Variants in MAFG observed in about 807,000 individuals in gnomAD.
The protein encoded by MAFG is transcription factor MafG.
MAFG carries 3 observed loss-of-function variants against 12.2 expected under a neutral mutation model. The observed-to-expected ratio is 0.25, with a 90% CI of 0.11 to 0.64. The LOEUF is 0.64. Among genes scored for constraint, MAFG ranks in the 30% least tolerant of loss-of-function variants. The pLI is 0.85. For synonymous variants in MAFG, 126 were observed against 109.1 expected (o/e 1.15, Z -0.96); for missense variants, 153 against 235.5 (o/e 0.65, Z 2.29).
chr17:81,923,231 A>G lies in MAFG; in HGVS notation c.-29-17T>C, dbSNP rs1406609342. On this transcript the variant is annotated splice_polypyrimidine_tract_variant and intron_variant, in intron 1 of 2. Coordinates refer to ENST00000357736, the MANE Select transcript of MAFG (RefSeq NM_002359.4). ...AGGCGCTCTCTGCAAGACACGGAGC[A>G]GGTCAGTACCCTGGAGACCACCCTC... The G allele has an allele frequency of 6.0e-6, 8 of 1,337,334 alleles. No homozygotes were observed. The highest frequency in any genetic ancestry group is 7.0e-6 in the Non-Finnish European group (7 of 996,668). The allele number at this position is 1,337,334 out of a possible 1,614,324, so 82.8% of individuals were successfully genotyped here.
At chr17:81,923,354 T>C in intron 1 of MAFG, 140 bp from the exon 2 acceptor site, 1 of 543,070 alleles carries the variant, frequency 1.8e-6, no homozygotes, top group Non-Finnish European at 3.1e-6. Flanking sequence ...CCCCAATACC[T>C]GATAGGAGGC....
At chr17:81,923,271 C>CCT (rs1555620265) in intron 1 of MAFG, 57 bp from the exon 2 acceptor site, 2 of 962,874 alleles carry the variant, frequency 2.1e-6, no homozygotes, top group South Asian at 1.9e-5. Flanking sequence ...CACCCCCCCC[C>CCT]CCCCGCCCCC....
At chr17:81,929,197 G>A (rs1046359654), upstream of MAFG, among the ~76,000 whole-genome samples, 2 of 152,158 alleles carry the variant, frequency 1.3e-5, no homozygotes, top group African/African-American at 4.8e-5. This position sits in a 1 kb window ranked among gnomAD's most constrained non-coding sequence, Gnocchi z 5.7. Context: ...TTTATGAATC[G>A]TCCTCACTGC....
rs906781168 is a variant in MAFG, at chr17:81,921,659, C to T, written c.*946G>A. On this transcript the variant is annotated 3_prime_UTR_variant, in exon 3 of 3. Coordinates refer to ENST00000357736, the MANE Select transcript of MAFG (RefSeq NM_002359.4). ...ACTCCAACAGCCACAAAGAGGTGTC[C>T]GTAAGTTTACAAGAAAGGGATTTTT... 3.3e-5 allele frequency: 5 copies of T among 151,188 alleles called. No homozygotes were observed. The highest frequency in any genetic ancestry group is 7.4e-5 in the Non-Finnish European group (5 of 67,866). 9.4% of individuals were successfully genotyped at this position (151,188 alleles called of 1,614,324 possible).
rs1002296043 is a variant in MAFG, at chr17:81,923,262, A to ACCCCCCCCCCCCCCCCCCCC, written c.-29-49_-29-48insGGGGGGGGGGGGGGGGGGGG. The ACCCCCCCCCCCCCCCCCCCC allele has an allele frequency of 1.5e-5, 5 of 336,902 alleles. 1 individual carries two copies. The highest frequency in any genetic ancestry group is 2.2e-4 in the Admixed American group (2 of 8,924). The allele number at this position is 336,902 out of a possible 1,614,324, so 20.9% of individuals were successfully genotyped here. On this transcript the variant is annotated intron_variant, in intron 1 of 2. Coordinates refer to ENST00000357736, the MANE Select transcript of MAFG (RefSeq NM_002359.4). The stretch of plus-strand genomic sequence containing the variant: ...GTACCCTGGAGACCACCCTCGCCGC[A>ACCCCCCCCCCCCCCCCCCCC]CCCCCCCCCCCCCGCCCCCGGCCCA...
chr17:81,926,927 C>T lies in MAFG; in HGVS notation c.-30+601G>A, dbSNP rs1207217151. Among the ~76,000 whole-genome samples, 1 of 152,106 alleles carries T rather than the reference C, an allele frequency of 6.6e-6. No individual in the cohort carries two copies. Among genetic ancestry groups the T allele is most frequent in the Non-Finnish European group, 1.5e-5 (1 of 68,000 alleles). On this transcript the variant is annotated intron_variant, in intron 1 of 2. Transcript: ENST00000357736. This position sits in a 1 kb window ranked among gnomAD's most constrained non-coding sequence, Gnocchi z 4.6. ...TCCCCGAGGCCCCTCGCTCGAATCCCCTCCGGTATCAGCTTGAGCACCGAG... is the reference window on the plus strand; with the variant it reads ...TCCCCGAGGCCCCTCGCTCGAATCCTCTCCGGTATCAGCTTGAGCACCGAG...
rs2040901144 is a variant in MAFG, at chr17:81,922,549, A to C, written c.*56T>G. 1 of 1,327,550 alleles carries C rather than the reference A, an allele frequency of 7.5e-7. No homozygotes were observed. Among genetic ancestry groups the C allele is most frequent in the Admixed American group, 3.6e-5 (1 of 28,026 alleles). The allele number at this position is 1,327,550 out of a possible 1,614,324, so 82.2% of individuals were successfully genotyped here. A position where few individuals can be genotyped will look rare whatever the true frequency, so the allele number is the denominator to read the frequency against. ...AAGGAAACAGAGGGACAGGGCAGCC[A>C]AATTCGCCATGTGCCTAGTGGCCCC... On this transcript the variant is annotated 3_prime_UTR_variant, in exon 3 of 3. Coordinates refer to ENST00000357736, the MANE Select transcript of MAFG (RefSeq NM_002359.4).
chr17:81,928,888 G>A (rs1275477088), upstream of MAFG, among the ~76,000 whole-genome samples: 1 of 152,200 alleles, frequency 6.6e-6, no homozygotes, highest in African/African-American at 2.4e-5. The surrounding 1 kb of genome is among the most constrained non-coding windows in gnomAD (Gnocchi z 8.1). Flanking sequence ...GCCCTGAGCC[G>A]CTGGGCATCC....
upstream of MAFG, chr17:81,928,055 G>A (rs553682663): frequency 9.9e-5 from 15 of 152,284 alleles, no homozygotes; most frequent in East Asian, 2.7e-3. This position sits in a 1 kb window ranked among gnomAD's most constrained non-coding sequence, Gnocchi z 8.1. Flanking sequence ...GCTCAGCCTA[G>A]GGCAGGCTCT....
At chr17:81,931,160 C>T (rs940179351), upstream of MAFG, among the ~76,000 whole-genome samples, 4 of 152,178 alleles carry the variant, frequency 2.6e-5, no homozygotes, top group Admixed American at 1.3e-4. Flanking sequence ...TCCTAGGGCC[C>T]GCCTGCTGAA....
At chr17:81,929,568 C>G (rs1048989365), upstream of MAFG, 1 of 152,384 alleles carries the variant, frequency 6.6e-6, no homozygotes, top group African/African-American at 2.4e-5. This position sits in a 1 kb window ranked among gnomAD's most constrained non-coding sequence, Gnocchi z 5.7. Flanking sequence ...CAGCTCCCCA[C>G]GGAGAGCCCA....
At chr17:81,927,132 A>G (rs2040947631) in intron 1 of MAFG, among the ~76,000 whole-genome samples, 1 of 151,658 alleles carries the variant, frequency 6.6e-6, no homozygotes, top group Non-Finnish European at 1.5e-5. Context: ...ATGAATCAGC[A>G]GCTGCGGGCC....
chr17:81,929,609 C>G (rs1382469478), upstream of MAFG: 1 of 152,376 alleles, frequency 6.6e-6, no homozygotes, highest in Non-Finnish European at 1.5e-5. This position sits in a 1 kb window ranked among gnomAD's most constrained non-coding sequence, Gnocchi z 5.7. Flanking sequence ...AGTGGTGCAG[C>G]CATGCTTGGG....
At chr17:81,923,412 T>G in intron 1 of MAFG, 198 bp from the exon 2 acceptor site, 6 of 439,422 alleles carry the variant, frequency 1.4e-5, no homozygotes, top group East Asian at 3.9e-5. Context: ...CTGTCCACCC[T>G]GCCCCTAGAG....
Position 81,926,557 on chromosome 17 carries a change from G to C in MAFG, c.-30+971C>G, listed in dbSNP as rs1567916203. Among the ~76,000 whole-genome samples the C allele has an allele frequency of 6.6e-6, 1 of 152,094 alleles. No individual in the cohort carries two copies. Among genetic ancestry groups the C allele is most frequent in the East Asian group, 1.9e-4 (1 of 5,186 alleles). On this transcript the variant is annotated intron_variant, in intron 1 of 2. Transcript: ENST00000357736. The surrounding 1 kb of genome is among the most constrained non-coding windows in gnomAD (Gnocchi z 4.6). ...TCTCTGGCCAGGGGCTGTCCAACCA[G>C]GCCAGTCCCAGGGAAAGCCGACTTC...
rs1053870660 is a variant in MAFG at position 81,921,575 on chromosome 17, T to C, written c.*1030A>G. 1.3e-5 allele frequency: 2 copies of C among 151,582 alleles called. No individual in the cohort carries two copies. Among genetic ancestry groups the C allele is most frequent in the African/African-American group, 4.8e-5 (2 of 41,294 alleles). The allele number at this position is 151,582 out of a possible 1,614,324, so 9.4% of individuals were successfully genotyped here. ...ACGGCTTGGCTTTTTTTTTTTTGTC[T>C]TTTTTTTAAACTAAGTTTTATAAAT... On this transcript the variant is annotated 3_prime_UTR_variant, in exon 3 of 3. Coordinates refer to ENST00000357736, the MANE Select transcript of MAFG (RefSeq NM_002359.4).
Position 81,926,816 on chromosome 17 carries a change from A to T in MAFG, c.-30+712T>A, listed in dbSNP as rs565529023. On this transcript the variant is annotated intron_variant, in intron 1 of 2. Coordinates refer to ENST00000357736, the MANE Select transcript of MAFG (RefSeq NM_002359.4). The surrounding 1 kb of genome is among the most constrained non-coding windows in gnomAD (Gnocchi z 4.6). ...CCTTCAACTGGATCGCTCGGCGCTC[A>T]CTTAAACAGGCACCCCAAGGCGCCG... Among the ~76,000 whole-genome samples the T allele has an allele frequency of 1.4e-4, 21 of 152,036 alleles. No individual in the cohort carries two copies. Among genetic ancestry groups the T allele is most frequent in the African/African-American group, 4.6e-4 (19 of 41,468 alleles).
Position 81,922,533 on chromosome 17 carries a change from G to A in MAFG, c.*72C>T, listed in dbSNP as rs967452001. The stretch of plus-strand genomic sequence containing the variant: ...GGAGGAAAGAGAAGAGAAGGAAACA[G>A]AGGGACAGGGCAGCCAAATTCGCCA... On this transcript the variant is annotated 3_prime_UTR_variant, in exon 3 of 3. Coordinates refer to ENST00000357736, the MANE Select transcript of MAFG (RefSeq NM_002359.4). 3.0e-5 allele frequency: 35 copies of A among 1,166,802 alleles called. No homozygotes were observed. The highest frequency in any genetic ancestry group is 2.0e-4 in the Middle Eastern group (1 of 4,932). 72.3% of individuals were successfully genotyped at this position (1,166,802 alleles called of 1,614,324 possible).
chr17:81,927,063 C>T (rs1235563795), intron 1 of MAFG, among the ~76,000 whole-genome samples: 1 of 152,040 alleles, frequency 6.6e-6, no homozygotes. Context: ...CCCATCGCCG[C>T]CCCTCCTCCC....
Sources: gnomAD v4.1 joint callset for allele counts (sites outside exome capture counted in the v4.1 genomes callset) on GRCh38, gnomAD v4.1.1 for gene constraint, Gnocchi (gnomAD v3.1) non-coding constraint, MANE v1.5 for transcripts, NCBI Gene and HGNC (gene_info 2026-07-23, HGNC 2026-07-21) for gene names.